Variants in CDH23 observed in about 807,000 individuals in gnomAD.
The protein encoded by CDH23 is cadherin-23.
Under a neutral mutation model 317.1 loss-of-function variants are expected in CDH23, and 189 were observed. The ratio of observed to expected loss-of-function variants is 0.60; its 90% CI spans 0.53 to 0.67. The LOEUF (loss-of-function observed/expected upper bound fraction) is 0.67, where lower values mean the gene tolerates loss of function less well. CDH23 is among the 30% of genes least tolerant of loss of function. The probability of loss-of-function intolerance (pLI) is 0.00; values close to 1 mark genes in which losing one functional copy is unlikely to be tolerated. For synonymous variants in CDH23, 1,839 were observed against 1,876.8 expected (o/e 0.98, Z 0.52); for missense variants, 4,401 against 4,592.4 (o/e 0.96, Z 1.20).
chr10:71,544,434 G>A (rs1235429593), intron 6 of CDH23, among the ~76,000 whole-genome samples: 4 of 152,310 alleles, frequency 2.6e-5, no homozygotes, highest in East Asian at 1.9e-4. Context: ...CAGAGTGGAC[G>A]AAGCTGGCGA....
At chr10:71,430,193 G>A (rs887453507) in intron 1 of CDH23, among the ~76,000 whole-genome samples, 3 of 152,116 alleles carry the variant, frequency 2.0e-5, no homozygotes, top group Non-Finnish European at 2.9e-5. Flanking sequence ...GTGAGCCAGG[G>A]GATAGGAGGA....
chr10:71,736,654 G>GC (rs1839574107), intron 34 of CDH23, among the ~76,000 whole-genome samples: 1 of 152,160 alleles, frequency 6.6e-6, no homozygotes, highest in African/African-American at 2.4e-5. Context: ...AAGTCCAGCA[G>GC]CCCCCCTCAC....
chr10:71,619,395 A>C (rs1861357132), intron 11 of CDH23, among the ~76,000 whole-genome samples: 1 of 152,168 alleles, frequency 6.6e-6, no homozygotes, highest in South Asian at 2.1e-4. Flanking sequence ...AACAGGTATA[A>C]AAACAAGTTC....
chr10:71,537,330 G>A (rs557734430), intron 6 of CDH23, among the ~76,000 whole-genome samples: 8 of 152,190 alleles, frequency 5.3e-5, no homozygotes, highest in Non-Finnish European at 1.2e-4. Flanking sequence ...GGAGAGCCCG[G>A]GACATGATCC....
At chr10:71,741,050 GT>G (rs1405664580) in intron 37 of CDH23, 100 bp downstream of exon 37, 3 of 1,382,136 alleles carry the variant, frequency 2.2e-6, no homozygotes, top group Non-Finnish European at 3.1e-6. Context: ...TGGCCCACTG[GT>G]CCCTCAGATC....
chr10:71,601,971 G>GGGC (rs71018217), intron 9 of CDH23, among the ~76,000 whole-genome samples: 1 of 148,268 alleles, frequency 6.7e-6, no homozygotes, highest in Non-Finnish European at 1.5e-5. Flanking sequence ...AGGGGGGGGG[G>GGGC]CTCTGCAGCC....
intron 6 of CDH23, among the ~76,000 whole-genome samples, chr10:71,542,114 G>A (rs1222420893): frequency 1.3e-5 from 2 of 152,252 alleles, no homozygotes; most frequent in African/African-American, 4.8e-5. Flanking sequence ...CCATGCAGGA[G>A]GAAGGCGCCT....
chr10:71,539,188 C>A (rs556470878), intron 6 of CDH23, among the ~76,000 whole-genome samples: 38 of 152,320 alleles, frequency 2.5e-4, no homozygotes, highest in African/African-American at 9.1e-4. Flanking sequence ...CCCATCCACG[C>A]CGTAGCCCCT....
At chr10:71,590,538 C>T (rs530074209) in intron 9 of CDH23, among the ~76,000 whole-genome samples, 109 of 152,318 alleles carry the variant, frequency 7.2e-4, no homozygotes, top group Non-Finnish European at 1.3e-3. Context: ...AAGGGCACTT[C>T]ACAACGACGT....
At chr10:71,456,898 C>G (rs375750170) in intron 3 of CDH23, among the ~76,000 whole-genome samples, 1 of 152,294 alleles carries the variant, frequency 6.6e-6, no homozygotes, top group African/African-American at 2.4e-5. Flanking sequence ...AACCTATCGC[C>G]CTCTGGCCCC....
intron 38 of CDH23, among the ~76,000 whole-genome samples, chr10:71,767,364 G>A (rs536049801): frequency 5.3e-5 from 8 of 152,180 alleles, no homozygotes; most frequent in African/African-American, 1.4e-4. Context: ...TTGGTTAGTC[G>A]GGCCTAGGAA....
At position 71,799,178 on chromosome 10, in the gene CDH23, C is replaced by G. The variant is rs1160675373; in HGVS notation, c.7122C>G (p.Ala2374=). The change falls in exon 51 of 70, where the codon GCC becomes GCG. Residue 2374 remains alanine (A), a synonymous_variant. Transcript: ENST00000224721. ...ACTGGCTCAACTTTACCGTGAGGGC[C>G]TCAGACAACGGGTCCCCGCCCCGGG... is the stretch of plus-strand genomic sequence containing the variant. The part of the protein sequence containing the change: ...EVHWLNFTVR[A]SDNGSPPRAA... 6.2e-7 allele frequency: 1 copy of G among 1,614,056 alleles called. No homozygotes were observed. The highest frequency in any genetic ancestry group is 1.7e-5 in the Admixed American group (1 of 60,030).
intron 1 of CDH23, among the ~76,000 whole-genome samples, chr10:71,402,754 C>CGT (rs1847842867): frequency 6.7e-6 from 1 of 149,496 alleles, no homozygotes; most frequent in Non-Finnish European, 1.5e-5. Flanking sequence ...TGCACGCGCG[C>CGT]GCGCGCACAT....
rs900296279 is a variant in CDH23 at position 71,713,374 on chromosome 10, G to A, written c.3369+561G>A. On this transcript the variant is annotated intron_variant, in intron 28 of 69. Transcript: ENST00000224721. ...CCCAGAGGCCTCAGTTGCTGGGTGGGGAGGGAGGCCCGGAGTGAATGAGTC... is the reference window on the plus strand; with the variant it reads ...CCCAGAGGCCTCAGTTGCTGGGTGGAGAGGGAGGCCCGGAGTGAATGAGTC... 8.1e-6 allele frequency: 6 copies of A among 736,990 alleles called. 1 individual carries two copies. Among genetic ancestry groups the A allele is most frequent in the South Asian group, 4.3e-5 (3 of 69,414 alleles). 45.7% of individuals were successfully genotyped at this position (736,990 alleles called of 1,614,324 possible). A position where few individuals can be genotyped will look rare whatever the true frequency, so the allele number is the denominator to read the frequency against.
Position 71,799,486 on chromosome 10 carries a change from C to T in CDH23, c.7225-6C>T. 1 of 1,614,000 alleles carries T rather than the reference C, an allele frequency of 6.2e-7. No individual in the cohort carries two copies. The highest frequency in any genetic ancestry group is 1.1e-5 in the South Asian group (1 of 91,092). Reference sequence around the variant, plus strand: ...CTACTCTCTCTCCCTGCCCCCTGGGCTCCAGGAGGCTGTCTTTGAGGATGT... The same window carrying T: ...CTACTCTCTCTCCCTGCCCCCTGGGTTCCAGGAGGCTGTCTTTGAGGATGT... On this transcript the variant is annotated splice_region_variant and splice_polypyrimidine_tract_variant and intron_variant, in intron 51 of 69. Transcript: ENST00000224721.
chr10:71,667,359 A>AGAGAGAGAGAGAGAGTGT (rs58361666), intron 14 of CDH23, among the ~76,000 whole-genome samples: 1 of 112,080 alleles, frequency 8.9e-6, no homozygotes, highest in Non-Finnish European at 1.7e-5. Context: ...AGAGAGAGAG[A>AGAGAGAGAGAGAGAGTGT]GTGTGTGTGT....
At chr10:71,562,076 G>T (rs1857159606) in intron 6 of CDH23, among the ~76,000 whole-genome samples, 1 of 152,104 alleles carries the variant, frequency 6.6e-6, no homozygotes, top group South Asian at 2.1e-4. Flanking sequence ...AGGCCTCTTG[G>T]TGCTGCTTCT....
intron 3 of CDH23, among the ~76,000 whole-genome samples, chr10:71,499,969 A>G (rs1428913838): frequency 1.3e-5 from 2 of 149,852 alleles, no homozygotes; most frequent in East Asian, 4.0e-4. Flanking sequence ...GTGAGCTGAA[A>G]GAGAGCACCA....
chr10:71,590,873 T>TAAAAAAAAAAAAAA (rs71018215), intron 9 of CDH23, among the ~76,000 whole-genome samples: 1 of 72,312 alleles, frequency 1.4e-5, no homozygotes, highest in African/African-American at 6.9e-5. Context: ...ACCCTGTCTC[T>TAAAAAAAAAAAAAA]AAAAAAAAAA....
Sources: gnomAD v4.1 joint callset for allele counts (sites outside exome capture counted in the v4.1 genomes callset) on GRCh38, gnomAD v4.1.1 for gene constraint, MANE v1.5 for transcripts, NCBI Gene and HGNC (gene_info 2026-07-23, HGNC 2026-07-21) for gene names.